The following CSNK1G1 variants were observed in gnomAD, a reference collection of about 807,000 sequenced individuals.
CSNK1G1 encodes casein kinase 1 gamma 1.
CSNK1G1 carries 22 observed loss-of-function variants against 59.6 expected under a neutral mutation model. The ratio of observed to expected loss-of-function variants is 0.37; its 90% CI spans 0.26 to 0.53. CSNK1G1 has a LOEUF of 0.53. Among genes scored for constraint, CSNK1G1 ranks in the 20% least tolerant of loss-of-function variants. The pLI is 0.89. For missense variants in CSNK1G1, 384 were observed against 519.5 expected (o/e 0.74, Z 2.54); for synonymous variants, 179 against 177.1 (o/e 1.01, Z -0.08).
At chr15:64,231,670 T>G (rs907924027) in intron 4 of CSNK1G1, among the ~76,000 whole-genome samples, 1 of 152,030 alleles carries the variant, frequency 6.6e-6, no homozygotes, top group Non-Finnish European at 1.5e-5. Context: ...AAATAAATCA[T>G]AGTCGTTTTT....
At chr15:64,338,423 G>A (rs868002162) in intron 1 of CSNK1G1, among the ~76,000 whole-genome samples, 12 of 152,184 alleles carry the variant, frequency 7.9e-5, no homozygotes, top group Non-Finnish European at 1.0e-4. Flanking sequence ...ACTTGAGCCC[G>A]GCGCGGTGGC....
chr15:64,290,974 A>G (rs144239179), intron 2 of CSNK1G1, among the ~76,000 whole-genome samples: 6,710 of 152,194 alleles, frequency 0.044, 190 homozygotes, highest in South Asian at 0.084. Flanking sequence ...TTGGCCTCCC[A>G]AAGTGCTGAG....
chr15:64,266,537 GAACCACA>G (rs1892997335), intron 2 of CSNK1G1, among the ~76,000 whole-genome samples: 2 of 151,846 alleles, frequency 1.3e-5, no homozygotes. Flanking sequence ...AATTCATATG[GAACCACA>G]AAAGATTCCA....
intron 1 of CSNK1G1, among the ~76,000 whole-genome samples, chr15:64,339,473 C>A (rs545443069): frequency 2.0e-5 from 3 of 152,174 alleles, no homozygotes; most frequent in African/African-American, 7.2e-5. Flanking sequence ...CCACCACGCC[C>A]GGCTAATTTC....
intron 1 of CSNK1G1, among the ~76,000 whole-genome samples, chr15:64,339,643 A>G (rs781355324): frequency 3.3e-5 from 5 of 152,218 alleles, no homozygotes; most frequent in Non-Finnish European, 7.3e-5. Context: ...GAAAATTCCA[A>G]TACATGCTAA....
At chr15:64,276,641 C>T (rs551420785) in intron 2 of CSNK1G1, among the ~76,000 whole-genome samples, 168 of 152,158 alleles carry the variant, frequency 1.1e-3, no homozygotes, top group Admixed American at 2.0e-3. Flanking sequence ...GTACAACAGT[C>T]CTTTGAAAAA....
intron 6 of CSNK1G1, among the ~76,000 whole-genome samples, chr15:64,207,989 C>A (rs183793161): frequency 1.3e-5 from 2 of 152,144 alleles, no homozygotes; most frequent in African/African-American, 4.8e-5. Flanking sequence ...ATTAAGCAAC[C>A]CAAACTGTTA....
At chr15:64,202,930 T>G in intron 10 of CSNK1G1, 152 bp downstream of exon 10, 1 of 643,598 alleles carries the variant, frequency 1.6e-6, no homozygotes, top group Non-Finnish European at 2.8e-6. Context: ...CCCTGAGGGT[T>G]GCTTGAAAGT....
intron 1 of CSNK1G1, among the ~76,000 whole-genome samples, chr15:64,352,285 G>A (rs1043455289): frequency 6.6e-6 from 1 of 151,552 alleles, no homozygotes; most frequent in South Asian, 2.1e-4. Context: ...CAGCATGGGT[G>A]ACAGAGCAAG....
chr15:64,338,873 CA>C (rs1897539987), intron 1 of CSNK1G1, among the ~76,000 whole-genome samples: 2 of 151,726 alleles, frequency 1.3e-5, no homozygotes, highest in African/African-American at 4.8e-5. Flanking sequence ...CAAAATTAGC[CA>C]AGGATGGTGC....
chr15:64,305,391 C>T (rs375089280), intron 1 of CSNK1G1, among the ~76,000 whole-genome samples: 2 of 152,030 alleles, frequency 1.3e-5, no homozygotes, highest in South Asian at 4.2e-4. Context: ...AGTACCAATA[C>T]AAGGCTTGAA....
chr15:64,279,846 C>T (rs1894023394), intron 2 of CSNK1G1, among the ~76,000 whole-genome samples: 1 of 151,918 alleles, frequency 6.6e-6, no homozygotes, highest in Non-Finnish European at 1.5e-5. Context: ...GTGGCACGCA[C>T]CTGTAGTCCC....
At chr15:64,347,822 A>C (rs1447235842) in intron 1 of CSNK1G1, among the ~76,000 whole-genome samples, 2 of 151,898 alleles carry the variant, frequency 1.3e-5, no homozygotes, top group African/African-American at 4.8e-5. Context: ...CTTGGCCAAC[A>C]TGGTGAAACC....
rs2140258497 is a variant in CSNK1G1, at chr15:64,210,306, C to A, written c.680-2712G>T. Among the ~76,000 whole-genome samples, 1 of 152,246 alleles carries A rather than the reference C, an allele frequency of 6.6e-6. No individual in the cohort carries two copies. Among genetic ancestry groups the A allele is most frequent in the Non-Finnish European group, 1.5e-5 (1 of 68,024 alleles). ...TGGGGAGAATTTGAAAAGTCATTTT[C>A]CAGCTCTAAAATTCTAAAATAATCT... On this transcript the variant is annotated intron_variant, in intron 6 of 11. Coordinates refer to ENST00000303052, the MANE Select transcript of CSNK1G1 (RefSeq NM_022048.5). The surrounding 1 kb of genome is among the most constrained non-coding windows in gnomAD (Gnocchi z 4.2).
chr15:64,232,643 T>C (rs2082563965), intron 4 of CSNK1G1, among the ~76,000 whole-genome samples: 1 of 152,290 alleles, frequency 6.6e-6, no homozygotes, highest in African/African-American at 2.4e-5. Context: ...GAAGAGTGAC[T>C]AAGGGCTGTG....
At chr15:64,327,670 T>C (rs1266139357) in intron 1 of CSNK1G1, among the ~76,000 whole-genome samples, 2 of 152,012 alleles carry the variant, frequency 1.3e-5, no homozygotes, top group Admixed American at 6.6e-5. Flanking sequence ...CAAAGCTGTA[T>C]GGAGAATGAT....
At chr15:64,266,744 C>G (rs911737263) in intron 2 of CSNK1G1, among the ~76,000 whole-genome samples, 1 of 151,984 alleles carries the variant, frequency 6.6e-6, no homozygotes, top group Non-Finnish European at 1.5e-5. Context: ...GACAAAGATG[C>G]CAAGAATATA....
chr15:64,330,989 A>C, intron 1 of CSNK1G1, among the ~76,000 whole-genome samples: 1 of 41,344 alleles, frequency 2.4e-5, no homozygotes, highest in African/African-American at 1.0e-4. Flanking sequence ...GGACCTCTTC[A>C]AGGAGAACTA....
At chr15:64,332,955 T>G (rs886159342) in intron 1 of CSNK1G1, among the ~76,000 whole-genome samples, 3 of 151,964 alleles carry the variant, frequency 2.0e-5, no homozygotes, top group African/African-American at 4.8e-5. Context: ...AGGGAATAAT[T>G]GAAGAAAATT....
Sources: gnomAD v4.1 joint callset for allele counts (sites outside exome capture counted in the v4.1 genomes callset) on GRCh38, gnomAD v4.1.1 for gene constraint, Gnocchi (gnomAD v3.1) non-coding constraint, MANE v1.5 for transcripts, NCBI Gene and HGNC (gene_info 2026-07-23, HGNC 2026-07-21) for gene names.